Variants in BMPR1B observed in about 807,000 individuals in gnomAD.
The protein encoded by BMPR1B is bone morphogenetic protein receptor type-1B.
BMPR1B carries 12 observed loss-of-function variants against 59.1 expected under a neutral mutation model. The ratio of observed to expected loss-of-function variants is 0.20; its 90% CI spans 0.13 to 0.33. The LOEUF is 0.33. Among genes scored for constraint, BMPR1B ranks in the 10% least tolerant of loss-of-function variants. The probability of loss-of-function intolerance (pLI) is 1.00; values close to 1 mark genes in which losing one functional copy is unlikely to be tolerated. For missense variants in BMPR1B, 550 were observed against 610.9 expected (o/e 0.90, Z 1.05); for synonymous variants, 237 against 207.3 (o/e 1.14, Z -1.23).
chr4:94,951,333 G>A (rs989616201), intron 2 of BMPR1B, among the ~76,000 whole-genome samples: 2 of 152,180 alleles, frequency 1.3e-5, no homozygotes, highest in East Asian at 1.9e-4. Flanking sequence ...GTGAGAGAGG[G>A]CATACTTGTC....
chr4:94,909,069 G>A (rs1560542337), intron 2 of BMPR1B, among the ~76,000 whole-genome samples: 1 of 151,978 alleles, frequency 6.6e-6, no homozygotes, highest in Non-Finnish European at 1.5e-5. Context: ...GTGGTGTTTG[G>A]TTTGTGGCTG....
At chr4:94,843,556 G>A (rs1396045618) in intron 1 of BMPR1B, among the ~76,000 whole-genome samples, 2 of 152,010 alleles carry the variant, frequency 1.3e-5, no homozygotes, top group South Asian at 2.1e-4. Context: ...TGTTGTATTG[G>A]TCATAATATG....
chr4:95,070,031 A>G (rs1728156590), intron 3 of BMPR1B, among the ~76,000 whole-genome samples: 1 of 152,334 alleles, frequency 6.6e-6, no homozygotes, highest in African/African-American at 2.4e-5. Flanking sequence ...CCCGGGAAGC[A>G]GAGGTTGCCA....
At chr4:94,958,238 C>A (rs181353130) in intron 2 of BMPR1B, among the ~76,000 whole-genome samples, 31 of 152,308 alleles carry the variant, frequency 2.0e-4, no homozygotes, top group African/African-American at 6.3e-4. Context: ...AATAAGCACA[C>A]CTTCCATACA....
At chr4:94,948,751 C>T (rs1236889684) in intron 2 of BMPR1B, among the ~76,000 whole-genome samples, 1 of 152,032 alleles carries the variant, frequency 6.6e-6, no homozygotes, top group African/African-American at 2.4e-5. Context: ...AACAGAATCG[C>T]CTGGGTTATT....
chr4:95,042,536 G>A (rs1725734794), intron 3 of BMPR1B, among the ~76,000 whole-genome samples: 1 of 152,130 alleles, frequency 6.6e-6, no homozygotes, highest in Admixed American at 6.5e-5. Flanking sequence ...GATATCTTAT[G>A]TTTATGTAAA....
intron 1 of BMPR1B, among the ~76,000 whole-genome samples, chr4:94,824,526 C>T (rs1404977086): frequency 6.6e-6 from 1 of 152,168 alleles, no homozygotes; most frequent in Non-Finnish European, 1.5e-5. Context: ...TTGAACTGAT[C>T]TGTTTTTAAA....
intron 2 of BMPR1B, among the ~76,000 whole-genome samples, chr4:94,880,993 A>C (rs17022438): frequency 0.028 from 4,300 of 152,262 alleles, 122 homozygotes; most frequent in African/African-American, 0.068. Flanking sequence ...GAAAAGATGC[A>C]ACATCGTAAT....
chr4:94,934,407 G>A (rs189835164), intron 2 of BMPR1B, among the ~76,000 whole-genome samples: 1 of 147,418 alleles, frequency 6.8e-6, no homozygotes, highest in East Asian at 2.0e-4. Flanking sequence ...GCTGACTCAC[G>A]TGCATGTTTC....
At chr4:95,009,610 A>G (rs1191785190) in intron 3 of BMPR1B, among the ~76,000 whole-genome samples, 1 of 152,178 alleles carries the variant, frequency 6.6e-6, no homozygotes, top group African/African-American at 2.4e-5. Flanking sequence ...CATGGAATTG[A>G]GAAAATATGA....
chr4:95,056,205 C>T (rs930425060), intron 3 of BMPR1B, among the ~76,000 whole-genome samples: 4 of 152,082 alleles, frequency 2.6e-5, no homozygotes, highest in Admixed American at 2.6e-4. Context: ...TACTTGTTAT[C>T]TGTAAAATAG....
At chr4:94,863,110 C>T (rs1045126379) in intron 1 of BMPR1B, among the ~76,000 whole-genome samples, 3 of 151,660 alleles carry the variant, frequency 2.0e-5, no homozygotes, top group Non-Finnish European at 4.4e-5. Flanking sequence ...GAGTGAGACT[C>T]GTCTCAAAAA....
intron 2 of BMPR1B, among the ~76,000 whole-genome samples, chr4:94,902,846 G>A (rs962932263): frequency 2.6e-5 from 4 of 151,834 alleles, no homozygotes; most frequent in African/African-American, 4.8e-5. Flanking sequence ...GAGTGTAACC[G>A]GAAATGTTTT....
intron 3 of BMPR1B, among the ~76,000 whole-genome samples, chr4:95,023,262 TC>T (rs1041787694): frequency 6.6e-6 from 1 of 152,214 alleles, no homozygotes; most frequent in African/African-American, 2.4e-5. Context: ...CAAGAAAACT[TC>T]CAGTATGGCG....
At chr4:94,876,571 T>C (rs1313595569) in intron 2 of BMPR1B, among the ~76,000 whole-genome samples, 2 of 152,216 alleles carry the variant, frequency 1.3e-5, no homozygotes, top group African/African-American at 4.8e-5. Context: ...TCCCATTTTA[T>C]AGATGTTAAA....
chr4:95,120,331 C>A (rs1389149380), intron 6 of BMPR1B, among the ~76,000 whole-genome samples: 1 of 152,156 alleles, frequency 6.6e-6, no homozygotes, highest in African/African-American at 2.4e-5. Context: ...AATGAACATA[C>A]AAATGCATGT....
chr4:94,839,858 A>G (rs796773242), intron 1 of BMPR1B, among the ~76,000 whole-genome samples: 17,597 of 150,080 alleles, frequency 0.12, 1,073 homozygotes, highest in Non-Finnish European at 0.13. Context: ...CCTAGTCTCA[A>G]TGGTCTTTAC....
chr4:94,905,933 C>T (rs1229744741), intron 2 of BMPR1B, among the ~76,000 whole-genome samples: 7 of 144,766 alleles, frequency 4.8e-5, no homozygotes, highest in Non-Finnish European at 9.0e-5. Flanking sequence ...TTTTTTGTCA[C>T]GAATAGACAT....
At chr4:95,013,926 G>A (rs1436869962) in intron 3 of BMPR1B, among the ~76,000 whole-genome samples, 1 of 152,086 alleles carries the variant, frequency 6.6e-6, no homozygotes, top group Non-Finnish European at 1.5e-5. Context: ...TTAAAATAAA[G>A]ATGTTTATTA....
Sources: allele counts gnomAD v4.1 joint callset (sites outside exome capture counted in the v4.1 genomes callset), GRCh38; gene constraint gnomAD v4.1.1; transcripts MANE v1.5; gene names NCBI Gene and HGNC (gene_info 2026-07-23, HGNC 2026-07-21).